Variants in ADAMTS18 observed in about 807,000 individuals in gnomAD.
ADAMTS18 encodes the protein ADAM metallopeptidase with thrombospondin type 1 motif 18.
In ADAMTS18, 157 loss-of-function variants were observed where a neutral mutation model predicts 165.9. The observed-to-expected ratio is 0.95, with a 90% CI of 0.83 to 1.08. ADAMTS18 has a LOEUF of 1.08. ADAMTS18 is among the 50% of genes least tolerant of loss of function. The pLI, the probability that ADAMTS18 is intolerant of heterozygous loss-of-function variation, is 0.00. For missense variants in ADAMTS18, 2,040 were observed against 1,534.0 expected (o/e 1.33, Z -5.51); for synonymous variants, 782 against 578.2 (o/e 1.35, Z -5.06).
At chr16:77,296,867 TGCTTTTAAATAGCCAGTAAATTTATTCC>T (rs2055483561) in intron 18 of ADAMTS18, among the ~76,000 whole-genome samples, 1 of 152,236 alleles carries the variant, frequency 6.6e-6, no homozygotes, top group African/African-American at 2.4e-5. Flanking sequence ...CAAGCAAGCT[TGCTTTTAAATAGCCAGTAAATTTATTCC>T]TGGCTATCAA....
Position 77,283,962 on chromosome 16 carries a change from C to G in ADAMTS18, c.3660G>C (p.Lys1220Asn), listed in dbSNP as rs763050965. The change falls in exon 23 of 23, where the codon AAG becomes AAC. Residue 1220 changes from lysine to asparagine, a missense_variant. Physicochemically the swap from Lys to Asn is moderately conservative, Grantham distance 94. Coordinates refer to ENST00000282849, the MANE Select transcript of ADAMTS18 (RefSeq NM_199355.4). ...GKQCCKSCTR[K>N]I Reference sequence around the variant, plus strand: ...GCTGGGGAGGACACCAAGATCAGATCTTCCTTGTGCATGACTTGCAGCATT... The same window carrying G: ...GCTGGGGAGGACACCAAGATCAGATGTTCCTTGTGCATGACTTGCAGCATT... 1 of 1,613,454 alleles carries G rather than the reference C, an allele frequency of 6.2e-7. No homozygotes were observed. The highest frequency in any genetic ancestry group is 8.5e-7 in the Non-Finnish European group (1 of 1,179,488).
chr16:77,300,396 C>A lies in ADAMTS18; in HGVS notation c.2541G>T (p.Met847Ile), dbSNP rs114018664. ...AAGCTATCCCTGGATTTTTGCCTTGCATCAGAATCTGGACAGTGTAAGATA... is the reference window on the plus strand; with the variant it reads ...AAGCTATCCCTGGATTTTTGCCTTGAATCAGAATCTGGACAGTGTAAGATA... ...TNETLVFEILMQGKNPGIAWK... is the reference protein window; with the variant it reads ...TNETLVFEILIQGKNPGIAWK... Residue 847 changes from methionine to isoleucine, a missense_variant, in exon 17 of 23, where the codon ATG becomes ATT. By Grantham distance (10) the Met-to-Ile change is conservative. Transcript: ENST00000282849. 1.9e-3 allele frequency: 3,003 copies of A among 1,614,042 alleles called. 41 individuals are homozygous for A. In the African/African-American group the frequency reaches 0.034, roughly 18 times the overall value.
At chr16:77,347,900 A>G (rs1013704600) in intron 10 of ADAMTS18, among the ~76,000 whole-genome samples, 2 of 152,100 alleles carry the variant, frequency 1.3e-5, no homozygotes, top group Admixed American at 6.6e-5. Context: ...TGTACTTTAG[A>G]TTTCTTATCT....
intron 3 of ADAMTS18, among the ~76,000 whole-genome samples, chr16:77,411,992 C>T (rs1210644978): frequency 6.6e-6 from 1 of 151,868 alleles, no homozygotes; most frequent in African/African-American, 2.4e-5. Flanking sequence ...CCAGCCAGTG[C>T]CCAAAGATTT....
chr16:77,341,823 G>A (rs115114398), intron 10 of ADAMTS18, 24 bp from the exon 11 acceptor site: 5 of 1,534,342 alleles, frequency 3.3e-6, no homozygotes, highest in East Asian at 2.3e-5. Context: ...AAAGGGGGGT[G>A]CTGTTAATGG....
At chr16:77,345,522 G>T (rs2056463149) in intron 10 of ADAMTS18, among the ~76,000 whole-genome samples, 1 of 152,156 alleles carries the variant, frequency 6.6e-6, no homozygotes, top group Non-Finnish European at 1.5e-5. Context: ...CCGACATGGA[G>T]CTCACTGCCA....
chr16:77,336,966 G>A lies in ADAMTS18; in HGVS notation c.1711-1062C>T, dbSNP rs183132189. ...TGGGGGATCGGTTACAGAATTATGG[G>A]AAGGTTGTTTGACTTTCAAATCTTC... is the stretch of plus-strand genomic sequence containing the variant. On this transcript the variant is annotated intron_variant, in intron 11 of 22. Transcript: ENST00000282849. Among the ~76,000 whole-genome samples the A allele has an allele frequency of 9.2e-5, 14 of 152,294 alleles. No individual in the cohort carries two copies. The East Asian group carries it at 2.5e-3, about 27-fold the overall frequency.
intron 3 of ADAMTS18, among the ~76,000 whole-genome samples, chr16:77,426,201 C>G (rs2057670725): frequency 6.6e-6 from 1 of 152,070 alleles, no homozygotes; most frequent in South Asian, 2.1e-4. Flanking sequence ...CTAAATTTTC[C>G]CTAACTTGTA....
chr16:77,378,763 A>C (rs1221391542), intron 3 of ADAMTS18: 1 of 152,132 alleles, frequency 6.6e-6, no homozygotes, highest in Admixed American at 6.6e-5. Flanking sequence ...AATAGTGCTC[A>C]GGACATATAT....
chr16:77,301,247 A>G (rs1424125443), intron 16 of ADAMTS18, among the ~76,000 whole-genome samples: 3 of 151,460 alleles, frequency 2.0e-5, no homozygotes, highest in South Asian at 2.1e-4. Flanking sequence ...TCTTCTAACA[A>G]CTCTATAATG....
chr16:77,337,908 C>CTTTCTTTTT (rs1555514787), intron 11 of ADAMTS18, among the ~76,000 whole-genome samples: 1 of 140,836 alleles, frequency 7.1e-6, no homozygotes, highest in African/African-American at 2.6e-5. Context: ...CTTTTCTTTT[C>CTTTCTTTTT]TTTTTTTTTT....
chr16:77,365,317 A>G (rs2056777685), intron 4 of ADAMTS18, among the ~76,000 whole-genome samples: 1 of 152,236 alleles, frequency 6.6e-6, no homozygotes, highest in African/African-American at 2.4e-5. Context: ...CTTTGGATCT[A>G]AATTTATTAT....
chr16:77,347,697 G>T, intron 10 of ADAMTS18, among the ~76,000 whole-genome samples: 1 of 152,002 alleles, frequency 6.6e-6, no homozygotes, highest in Non-Finnish European at 1.5e-5. Context: ...CTCCTTCTGT[G>T]ATATATTAAT....
At chr16:77,355,216 G>GTGTGTGTGTGTGTGTGTGTGTGTT (rs1338436533) in intron 9 of ADAMTS18, among the ~76,000 whole-genome samples, 1 of 151,776 alleles carries the variant, frequency 6.6e-6, no homozygotes, top group African/African-American at 2.4e-5. Context: ...GTGTGTGTGT[G>GTGTGTGTGTGTGTGTGTGTGTGTT]TGTGTGTGTG....
chr16:77,395,986 A>G (rs889463845), intron 3 of ADAMTS18, among the ~76,000 whole-genome samples: 1 of 152,190 alleles, frequency 6.6e-6, no homozygotes, highest in South Asian at 2.1e-4. Flanking sequence ...ACTCAATGTC[A>G]TTTAGTATTC....
intron 10 of ADAMTS18, among the ~76,000 whole-genome samples, chr16:77,349,593 C>G (rs2056526413): frequency 6.7e-6 from 1 of 149,660 alleles, no homozygotes; most frequent in South Asian, 2.1e-4. Flanking sequence ...CTATTGTTCC[C>G]TACCCTGCTC....
At chr16:77,392,352 G>C (rs1253072275) in intron 3 of ADAMTS18, among the ~76,000 whole-genome samples, 1 of 152,170 alleles carries the variant, frequency 6.6e-6, no homozygotes, top group Non-Finnish European at 1.5e-5. Flanking sequence ...ACACTGGCCT[G>C]ATGGCTGATC....
At chr16:77,327,068 T>C (rs1198693828) in intron 12 of ADAMTS18, among the ~76,000 whole-genome samples, 2 of 152,260 alleles carry the variant, frequency 1.3e-5, no homozygotes, top group South Asian at 2.1e-4. Flanking sequence ...ATGGTGCATA[T>C]GTACCACATT....
At chr16:77,365,344 T>C in intron 4 of ADAMTS18, among the ~76,000 whole-genome samples, 1 of 152,216 alleles carries the variant, frequency 6.6e-6, no homozygotes, top group Non-Finnish European at 1.5e-5. Flanking sequence ...ATTCATTAAA[T>C]ATACCACTTT....
Sources: allele counts gnomAD v4.1 joint callset (sites outside exome capture counted in the v4.1 genomes callset), GRCh38; gene constraint gnomAD v4.1.1; transcripts MANE v1.5; gene names NCBI Gene and HGNC (gene_info 2026-07-23, HGNC 2026-07-21).